Variants in DOCK4 observed in about 807,000 individuals in gnomAD.
DOCK4 encodes the protein dedicator of cytokinesis protein 4.
In DOCK4, 97 loss-of-function variants were observed where a neutral mutation model predicts 268.1. The observed-to-expected ratio is 0.36, with a 90% confidence interval of 0.31 to 0.43. The LOEUF is 0.43. DOCK4 is among the 20% of genes least tolerant of loss of function. The pLI is 1.00. For missense variants in DOCK4, 2,145 were observed against 2,455.7 expected (o/e 0.87, Z 2.67); for synonymous variants, 954 against 887.2 (o/e 1.08, Z -1.34).
chr7:111,735,184 C>T lies in DOCK4; in HGVS notation c.5306-17G>A, dbSNP rs912636511. The stretch of plus-strand genomic sequence containing the variant: ...GGTTCACAGCTGGAAGGGAATAACA[C>T]AGCTAAAAACACACGGTCCAGCTTT... On this transcript the variant is annotated splice_polypyrimidine_tract_variant and intron_variant, in intron 50 of 52. Transcript: ENST00000428084. 1.3e-6 allele frequency: 2 copies of T among 1,509,008 alleles called. No individual in the cohort carries two copies. The highest frequency in any genetic ancestry group is 1.8e-6 in the Non-Finnish European group (2 of 1,112,496). 93.5% of individuals were successfully genotyped at this position (1,509,008 alleles called of 1,614,324 possible).
intron 26 of DOCK4, 40 bp downstream of exon 26, chr7:111,834,548 A>C (rs1268850106): frequency 6.9e-7 from 1 of 1,439,076 alleles, no homozygotes; most frequent in East Asian, 2.5e-5. Flanking sequence ...AGATAAACCC[A>C]AAAGATATGT....
At chr7:111,977,386 A>G (rs954993502) in intron 7 of DOCK4, 103 bp from the exon 8 acceptor site, 8 of 1,263,918 alleles carry the variant, frequency 6.3e-6, no homozygotes, top group Admixed American at 3.0e-5. Flanking sequence ...GTCCTACGCC[A>G]TAACTTTTTA....
At chr7:112,182,507 G>A (rs1269781691) in intron 1 of DOCK4, among the ~76,000 whole-genome samples, 5 of 152,182 alleles carry the variant, frequency 3.3e-5, no homozygotes, top group Non-Finnish European at 7.4e-5. Context: ...GTGGGAGAAG[G>A]AGGCAAAGGA....
chr7:111,744,383 A>G (rs1349567310), intron 44 of DOCK4, among the ~76,000 whole-genome samples: 33 of 152,196 alleles, frequency 2.2e-4, no homozygotes, highest in Admixed American at 2.2e-3. Context: ...TGCCCTCTCC[A>G]GTCCACCTCC....
intron 1 of DOCK4, among the ~76,000 whole-genome samples, chr7:112,177,759 C>T (rs558059712): frequency 1.3e-5 from 2 of 151,892 alleles, no homozygotes; most frequent in Admixed American, 1.3e-4. Flanking sequence ...TGAAATAAGC[C>T]CTTTTATAAG....
intron 1 of DOCK4, among the ~76,000 whole-genome samples, chr7:112,106,160 T>C (rs1811133624): frequency 6.6e-6 from 1 of 152,226 alleles, no homozygotes; most frequent in Admixed American, 6.5e-5. Flanking sequence ...ACCTGGTACC[T>C]GCAGATACGA....
intron 8 of DOCK4, among the ~76,000 whole-genome samples, chr7:111,950,530 G>T (rs1795973773): frequency 6.6e-6 from 1 of 152,048 alleles, no homozygotes. Context: ...TAACCTTTTT[G>T]TATCTTCAAC....
Position 111,728,201 on chromosome 7 carries a change from T to C in DOCK4, c.*73A>G. 8.1e-7 allele frequency: 1 copy of C among 1,229,908 alleles called. No individual in the cohort carries two copies. 76.2% of individuals were successfully genotyped at this position (1,229,908 alleles called of 1,614,324 possible). ...GAGTAAGTTATTAAAGTGCCTACAC[T>C]AAATGTCTTCTCATCATACTTCTTA... On this transcript the variant is annotated 3_prime_UTR_variant, in exon 53 of 53. Coordinates refer to ENST00000428084, the MANE Select transcript of DOCK4 (RefSeq NM_001363540.2).
chr7:111,970,478 G>A (rs1797622079), intron 8 of DOCK4, among the ~76,000 whole-genome samples: 1 of 152,074 alleles, frequency 6.6e-6, no homozygotes, highest in East Asian at 1.9e-4. Flanking sequence ...CATTACATAA[G>A]TGTTAAATGA....
At chr7:112,147,143 G>A (rs1815587813) in intron 1 of DOCK4, among the ~76,000 whole-genome samples, 1 of 152,058 alleles carries the variant, frequency 6.6e-6, no homozygotes. Context: ...TATAGATATT[G>A]TATTGTACCT....
intron 2 of DOCK4, 36 bp from the exon 3 acceptor site, chr7:112,000,570 C>A (rs1407440808): frequency 2.1e-6 from 3 of 1,452,662 alleles, no homozygotes; most frequent in South Asian, 1.4e-5. Flanking sequence ...TTTTGATAAA[C>A]CATTGTAATA....
intron 1 of DOCK4, among the ~76,000 whole-genome samples, chr7:112,153,131 G>A (rs1297455187): frequency 6.6e-6 from 1 of 152,080 alleles, no homozygotes; most frequent in Non-Finnish European, 1.5e-5. Context: ...GCAGAATGTA[G>A]CACAATAAAT....
At chr7:111,973,989 C>A (rs1326581537) in intron 8 of DOCK4, among the ~76,000 whole-genome samples, 1 of 152,090 alleles carries the variant, frequency 6.6e-6, no homozygotes, top group African/African-American at 2.4e-5. Flanking sequence ...AAGATGCGGA[C>A]ATTTGATACT....
At chr7:111,815,546 C>G (rs995591605) in intron 27 of DOCK4, among the ~76,000 whole-genome samples, 6 of 152,040 alleles carry the variant, frequency 3.9e-5, no homozygotes, top group Non-Finnish European at 5.9e-5. Flanking sequence ...ACTCAATAGT[C>G]AAAAAAGATT....
At chr7:111,996,498 T>C (rs897507589) in intron 4 of DOCK4, among the ~76,000 whole-genome samples, 8 of 152,194 alleles carry the variant, frequency 5.3e-5, no homozygotes, top group Non-Finnish European at 1.0e-4. Context: ...ACCCCAAAGA[T>C]GTTCCTCTCT....
chr7:111,903,416 G>T (rs1791307055), intron 13 of DOCK4, among the ~76,000 whole-genome samples: 2 of 152,100 alleles, frequency 1.3e-5, no homozygotes, highest in South Asian at 4.1e-4. Context: ...AAACCAACTT[G>T]GGAAGGCAAT....
chr7:112,015,980 C>G (rs1187989498), intron 1 of DOCK4, among the ~76,000 whole-genome samples: 1 of 152,188 alleles, frequency 6.6e-6, no homozygotes, highest in Non-Finnish European at 1.5e-5. Flanking sequence ...TTCTTAAGGT[C>G]CCACCTCTTA....
intron 47 of DOCK4, chr7:111,740,225 G>A (rs555921181): frequency 1.0e-4 from 32 of 306,720 alleles, no homozygotes; most frequent in East Asian, 1.1e-4. Flanking sequence ...TCAGCCTCCC[G>A]AGTAGCTGGG....
At chr7:111,792,674 C>T (rs1388219302) in intron 30 of DOCK4, among the ~76,000 whole-genome samples, 2 of 152,144 alleles carry the variant, frequency 1.3e-5, no homozygotes, top group Non-Finnish European at 2.9e-5. Flanking sequence ...TGAGCCGCTG[C>T]GCCTGGCTTA....
Sources: allele counts gnomAD v4.1 joint callset (sites outside exome capture counted in the v4.1 genomes callset), GRCh38; gene constraint gnomAD v4.1.1; transcripts MANE v1.5; gene names NCBI Gene and HGNC (gene_info 2026-07-23, HGNC 2026-07-21).